GNB1: variants seen among roughly 807,000 people sequenced by gnomAD.
The protein encoded by GNB1 is guanine nucleotide-binding protein G(I)/G(S)/G(T) subunit beta-1.
In GNB1, 2 loss-of-function variants were observed where a neutral mutation model predicts 42.9. That is an observed-to-expected ratio of 0.05 (90% CI 0.02 to 0.15). The LOEUF (loss-of-function observed/expected upper bound fraction) is 0.15. Among genes scored for constraint, GNB1 ranks in the 10% least tolerant of loss-of-function variants. The pLI, the probability that GNB1 is intolerant of heterozygous loss-of-function variation, is 1.00. For missense variants in GNB1, 193 were observed against 462.2 expected (o/e 0.42, Z 5.34); for synonymous variants, 183 against 174.7 (o/e 1.05, Z -0.38).
chr1:1,804,452 C>T lies in GNB1; in HGVS notation c.397G>A (p.Val133Met), dbSNP rs781404706. ...CCTGCCAGCTCACGACTCACGCGCA[C>T]GTTCCCCTCACGAGTTTTCAGATTG... ...IYNLKTREGN[V>M]RVSRELAGHT... Residue 133 changes from valine to methionine, a missense_variant, in exon 7 of 12, where the codon GTG (valine) becomes ATG (methionine). Val to Met is a conservative substitution (Grantham distance 21). Coordinates refer to ENST00000378609, the MANE Select transcript of GNB1 (RefSeq NM_002074.5). The T allele has an allele frequency of 4.3e-6, 7 of 1,613,752 alleles. No individual in the cohort carries two copies. Among genetic ancestry groups the T allele is most frequent in the Non-Finnish European group, 5.1e-6 (6 of 1,179,690 alleles).
At chr1:1,881,296 C>T (rs2101887050) in intron 1 of GNB1, among the ~76,000 whole-genome samples, 1 of 152,258 alleles carries the variant, frequency 6.6e-6, no homozygotes, top group Non-Finnish European at 1.5e-5. Context: ...GCAGCTTTGC[C>T]AACTGACTAG....
chr1:1,873,059 T>G (rs950871898), intron 1 of GNB1, among the ~76,000 whole-genome samples: 5 of 152,070 alleles, frequency 3.3e-5, no homozygotes, highest in East Asian at 1.9e-4. Context: ...AAGCCTTGTT[T>G]TTTTTTTTTT....
At chr1:1,832,487 TGA>T (rs144269011) in intron 2 of GNB1, among the ~76,000 whole-genome samples, 1 of 152,234 alleles carries the variant, frequency 6.6e-6, no homozygotes, top group African/African-American at 2.4e-5. Context: ...GAAATCCTTT[TGA>T]GAGAGATTTG....
At chr1:1,882,360 G>A (rs528391147) in intron 1 of GNB1, among the ~76,000 whole-genome samples, 2 of 150,246 alleles carry the variant, frequency 1.3e-5, no homozygotes, top group Non-Finnish European at 3.0e-5. Context: ...CCTGGGAGGC[G>A]GAGGTTGCAG....
intron 1 of GNB1, among the ~76,000 whole-genome samples, chr1:1,862,442 C>G (rs964272790): frequency 6.6e-6 from 1 of 151,956 alleles, no homozygotes; most frequent in Non-Finnish European, 1.5e-5. Context: ...GTCTATTACC[C>G]GGTAGTGTAA....
rs917886082 is a variant in GNB1 at position 1,798,633 on chromosome 1, C to T, written c.431-5322G>A. 5.9e-5 allele frequency among the ~76,000 whole-genome samples: 9 copies of T among 152,178 alleles called. 1 individual carries two copies. Among genetic ancestry groups the T allele is most frequent in the Non-Finnish European group, 1.2e-4 (8 of 68,028 alleles). Reference sequence around the variant, plus strand: ...CAAAGAACAAAGCTCTAAGAGCAAGCGTTGAGTCTCCCTGCATTGGCCCTT... The same window carrying T: ...CAAAGAACAAAGCTCTAAGAGCAAGTGTTGAGTCTCCCTGCATTGGCCCTT... On this transcript the variant is annotated intron_variant, in intron 7 of 11. Coordinates refer to ENST00000378609, the MANE Select transcript of GNB1 (RefSeq NM_002074.5).
At chr1:1,816,483 T>A (rs889123062) in intron 4 of GNB1, among the ~76,000 whole-genome samples, 1 of 152,114 alleles carries the variant, frequency 6.6e-6, no homozygotes, top group Non-Finnish European at 1.5e-5. Context: ...TAATTCTATG[T>A]AGCCTAATTT....
chr1:1,874,993 C>A (rs1403653688), intron 1 of GNB1, among the ~76,000 whole-genome samples: 1 of 152,108 alleles, frequency 6.6e-6, no homozygotes, highest in Non-Finnish European at 1.5e-5. Context: ...AAGGAGTGCA[C>A]AGCCTACATC....
chr1:1,828,687 C>T (rs144895134), intron 2 of GNB1, among the ~76,000 whole-genome samples: 1 of 152,180 alleles, frequency 6.6e-6, no homozygotes, highest in Non-Finnish European at 1.5e-5. Context: ...TTATAGCACT[C>T]TGCTGTGCCA....
chr1:1,850,403 G>A (rs1268254509), intron 1 of GNB1, among the ~76,000 whole-genome samples: 3 of 151,928 alleles, frequency 2.0e-5, no homozygotes, highest in Non-Finnish European at 4.4e-5. Context: ...AAAGTGCTGG[G>A]ATTACAAGGG....
chr1:1,848,252 G>A (rs1241769166), intron 1 of GNB1, among the ~76,000 whole-genome samples: 2 of 150,864 alleles, frequency 1.3e-5, no homozygotes, highest in African/African-American at 2.4e-5. Context: ...GGTGGCGGGC[G>A]CCTGTAATCC....
chr1:1,869,574 T>C (rs575450113), intron 1 of GNB1, among the ~76,000 whole-genome samples: 1 of 152,048 alleles, frequency 6.6e-6, no homozygotes, highest in Non-Finnish European at 1.5e-5. Flanking sequence ...GCCACAGAAA[T>C]AGTAAGCAGG....
In GNB1 at chr1:1,785,767, A is replaced by T; in HGVS notation, c.*1296T>A. The T allele has an allele frequency of 2.9e-6, 1 of 342,038 alleles. No individual in the cohort carries two copies. Among genetic ancestry groups the T allele is most frequent in the Middle Eastern group, 7.5e-4 (1 of 1,328 alleles). The allele number at this position is 342,038 out of a possible 1,614,324, so 21.2% of individuals were successfully genotyped here. ...TCTCCCTCCCTCTCTCTCCCTCCCC[A>T]CCCTCAGAATCCAACAGCAGTCGTT... On this transcript the variant is annotated 3_prime_UTR_variant, in exon 12 of 12. Transcript: ENST00000378609.
chr1:1,855,140 C>A (rs1648201285), intron 1 of GNB1, among the ~76,000 whole-genome samples: 1 of 137,484 alleles, frequency 7.3e-6, no homozygotes, highest in African/African-American at 2.7e-5. Context: ...GCCTGGGCAA[C>A]AGAGCAAGAC....
intron 5 of GNB1, among the ~76,000 whole-genome samples, chr1:1,806,826 T>C (rs948422835): frequency 6.6e-6 from 1 of 151,978 alleles, no homozygotes; most frequent in Non-Finnish European, 1.5e-5. Flanking sequence ...ATACAAAAAT[T>C]AGCCGGGCAT....
intron 1 of GNB1, among the ~76,000 whole-genome samples, chr1:1,861,832 C>G (rs1487762125): frequency 1.3e-5 from 2 of 152,136 alleles, no homozygotes; most frequent in African/African-American, 2.4e-5. Flanking sequence ...AATGCAAAAC[C>G]TGAATCCCCC....
chr1:1,852,765 G>C (rs900129695), intron 1 of GNB1, among the ~76,000 whole-genome samples: 2 of 150,924 alleles, frequency 1.3e-5, no homozygotes, highest in East Asian at 1.9e-4. Flanking sequence ...TGCAACTTAC[G>C]GGCCTACCCT....
intron 7 of GNB1, among the ~76,000 whole-genome samples, chr1:1,797,299 G>C (rs78018528): frequency 0.011 from 1,681 of 152,262 alleles, 33 homozygotes; most frequent in South Asian, 0.061. Context: ...TACAGCTCCT[G>C]AGTTACAGAA....
At chr1:1,807,095 G>A (rs1228754836) in intron 5 of GNB1, among the ~76,000 whole-genome samples, 3 of 152,134 alleles carry the variant, frequency 2.0e-5, no homozygotes, top group East Asian at 1.9e-4. Flanking sequence ...CCGAATGCAG[G>A]CCACATCACC....
Sources: allele counts gnomAD v4.1 joint callset (sites outside exome capture counted in the v4.1 genomes callset), GRCh38; gene constraint gnomAD v4.1.1; transcripts MANE v1.5; gene names NCBI Gene and HGNC (gene_info 2026-07-23, HGNC 2026-07-21).